Variants in WDPCP observed in about 807,000 individuals in gnomAD.
WDPCP encodes the protein WD repeat containing planar cell polarity effector.
A neutral mutation model predicts 93.1 loss-of-function variants in WDPCP; 71 were observed. The ratio of observed to expected loss-of-function variants is 0.76; its 90% CI spans 0.63 to 0.93. The LOEUF (loss-of-function observed/expected upper bound fraction) is 0.93. Among genes scored for constraint, WDPCP ranks in the 40% least tolerant of loss-of-function variants. The probability of loss-of-function intolerance (pLI) is 0.00; values close to 1 mark genes in which losing one functional copy is unlikely to be tolerated. For synonymous variants in WDPCP, 315 were observed against 315.0 expected (o/e 1.00, Z 0.00); for missense variants, 844 against 887.4 (o/e 0.95, Z 0.62).
At position 63,410,414 on chromosome 2, in the gene WDPCP, C is replaced by T. The variant is rs187724085; in HGVS notation, c.826-5757G>A. ...CCTGGAAACACATCAAAACAGAACA[C>T]CTTTAAAGCATAAATGACACGGGAC... On this transcript the variant is annotated intron_variant, in intron 9 of 17. Coordinates refer to ENST00000272321, the MANE Select transcript of WDPCP (RefSeq NM_015910.7). Among the ~76,000 whole-genome samples the T allele has an allele frequency of 3.3e-5, 5 of 152,224 alleles. No homozygotes were observed. The East Asian group carries it at 9.6e-4, about 29-fold the overall frequency.
At chr2:63,581,719 C>A (rs1477570907) in intron 1 of WDPCP, among the ~76,000 whole-genome samples, 1 of 152,192 alleles carries the variant, frequency 6.6e-6, no homozygotes, top group African/African-American at 2.4e-5. Flanking sequence ...AGATAAAAAT[C>A]ATTCAGGCTG....
At chr2:63,346,247 G>C (rs1231956840) in intron 12 of WDPCP, among the ~76,000 whole-genome samples, 1 of 152,188 alleles carries the variant, frequency 6.6e-6, no homozygotes, top group Non-Finnish European at 1.5e-5. Flanking sequence ...AGAAAAAATG[G>C]AAAGCATAGC....
At chr2:63,706,960 T>C (rs1196886410) in intron 2 of WDPCP, among the ~76,000 whole-genome samples, 2 of 152,216 alleles carry the variant, frequency 1.3e-5, no homozygotes, top group Non-Finnish European at 2.9e-5. Context: ...GGCCCCCCAC[T>C]CTCTTCTGGC....
chr2:63,245,142 C>T (rs1305348515), intron 14 of WDPCP, among the ~76,000 whole-genome samples: 1 of 152,090 alleles, frequency 6.6e-6, no homozygotes, highest in Non-Finnish European at 1.5e-5. Flanking sequence ...GCTGTCATAT[C>T]TTTTCCAGAC....
chr2:63,537,986 C>T (rs1292960004), intron 1 of WDPCP, among the ~76,000 whole-genome samples: 2 of 151,994 alleles, frequency 1.3e-5, no homozygotes, highest in Admixed American at 6.6e-5. Context: ...AGCATAAGTC[C>T]CGCATGGCAA....
intron 17 of WDPCP, among the ~76,000 whole-genome samples, chr2:63,132,322 T>C (rs1249873496): frequency 6.6e-6 from 1 of 151,964 alleles, no homozygotes; most frequent in Non-Finnish European, 1.5e-5. Context: ...GTTGTATGTC[T>C]CTTTGGGTTT....
intron 2 of WDPCP, among the ~76,000 whole-genome samples, chr2:63,810,125 T>A (rs1157630368): frequency 6.6e-6 from 1 of 152,174 alleles, no homozygotes; most frequent in Non-Finnish European, 1.5e-5. Flanking sequence ...CCTGGTGAAC[T>A]GCAAACAGAA....
chr2:63,272,610 C>T (rs189021447), intron 13 of WDPCP, among the ~76,000 whole-genome samples: 4 of 151,992 alleles, frequency 2.6e-5, no homozygotes, highest in South Asian at 4.2e-4. Context: ...ACTCATGATC[C>T]GAATGAGAAA....
chr2:63,331,906 G>C (rs1485372210), intron 12 of WDPCP, among the ~76,000 whole-genome samples: 1 of 151,076 alleles, frequency 6.6e-6, no homozygotes, highest in Admixed American at 6.6e-5. Flanking sequence ...TTTTTTTCAG[G>C]TAGCTAGCTT....
chr2:63,167,345 T>G (rs1673066427), intron 15 of WDPCP, among the ~76,000 whole-genome samples: 1 of 152,232 alleles, frequency 6.6e-6, no homozygotes, highest in African/African-American at 2.4e-5. Context: ...GTCTTGTTAT[T>G]TTTTAAAGCT....
At chr2:63,171,935 T>C (rs955710679) in intron 15 of WDPCP, among the ~76,000 whole-genome samples, 1 of 152,112 alleles carries the variant, frequency 6.6e-6, no homozygotes, top group African/African-American at 2.4e-5. Context: ...CAAAAGACAA[T>C]ATATTGTATG....
chr2:63,201,636 A>T (rs1190698584), intron 14 of WDPCP, among the ~76,000 whole-genome samples: 1 of 152,160 alleles, frequency 6.6e-6, no homozygotes. Context: ...GGTTAGGTAG[A>T]ATTTCATCAC....
intron 14 of WDPCP, among the ~76,000 whole-genome samples, chr2:63,246,048 A>G (rs909684312): frequency 6.6e-6 from 1 of 152,174 alleles, no homozygotes; most frequent in Non-Finnish European, 1.5e-5. Context: ...CAAGTCTATA[A>G]TATTGATGAA....
chr2:63,575,541 A>C (rs1485893610), intron 1 of WDPCP, among the ~76,000 whole-genome samples: 1 of 141,632 alleles, frequency 7.1e-6, no homozygotes, highest in African/African-American at 2.6e-5. Context: ...TATACACTGT[A>C]TATATAGTAT....
intron 2 of WDPCP, among the ~76,000 whole-genome samples, chr2:63,704,496 T>C (rs2103722176): frequency 6.6e-6 from 1 of 152,336 alleles, no homozygotes; most frequent in South Asian, 2.1e-4. Flanking sequence ...TATTGAGTGT[T>C]TTTAGCATGA....
chr2:63,501,572 A>G (rs1346758190), intron 1 of WDPCP, among the ~76,000 whole-genome samples: 1 of 152,168 alleles, frequency 6.6e-6, no homozygotes, highest in East Asian at 1.9e-4. Flanking sequence ...TTTCAAAAAA[A>G]CAAAAAACTT....
At chr2:63,406,654 C>T (rs1025620728) in intron 9 of WDPCP, among the ~76,000 whole-genome samples, 2 of 152,136 alleles carry the variant, frequency 1.3e-5, no homozygotes, top group Non-Finnish European at 2.9e-5. Flanking sequence ...CTATTTTATG[C>T]TTAGGTTTGA....
chr2:63,686,646 G>C lies in WDPCP; in HGVS notation n.309-35808C>G, dbSNP rs563536725. 9.2e-5 allele frequency among the ~76,000 whole-genome samples: 14 copies of C among 152,142 alleles called. 1 individual carries two copies. The highest frequency in any genetic ancestry group is 3.1e-4 in the African/African-American group (13 of 41,530). Reference sequence around the variant, plus strand: ...TAGCCAAATCTATCCTGAGCAAAAAGAAGAAAACTGAAGGAATCACATTAT... The same window carrying C: ...TAGCCAAATCTATCCTGAGCAAAAACAAGAAAACTGAAGGAATCACATTAT... On this transcript the variant is annotated intron_variant and non_coding_transcript_variant, in intron 2 of 4. Coordinates refer to the WDPCP transcript ENST00000467687.
At chr2:63,720,389 C>T (rs1038884962) in intron 2 of WDPCP, among the ~76,000 whole-genome samples, 2 of 150,642 alleles carry the variant, frequency 1.3e-5, no homozygotes, top group African/African-American at 4.9e-5. Flanking sequence ...TGCACTCCAG[C>T]CCGGGTGACA....
Sources: gnomAD v4.1 joint callset for allele counts (sites outside exome capture counted in the v4.1 genomes callset) on GRCh38, gnomAD v4.1.1 for gene constraint, MANE v1.5 for transcripts, NCBI Gene and HGNC (gene_info 2026-07-23, HGNC 2026-07-21) for gene names.